The following EEF1AKMT1 variants were observed in gnomAD, a reference collection of about 807,000 sequenced individuals.
EEF1AKMT1 encodes the protein EEF1A lysine methyltransferase 1, also known as N-6 adenine-specific DNA methyltransferase 2 (putative).
EEF1AKMT1 carries 18 observed loss-of-function variants against 21.0 expected under a neutral mutation model. The observed-to-expected ratio is 0.86, with a 90% CI of 0.59 to 1.27. The LOEUF (loss-of-function observed/expected upper bound fraction) is 1.27, where lower values mean the gene tolerates loss of function less well. Among genes scored for constraint, EEF1AKMT1 ranks in the 50% most tolerant of loss-of-function variants. The pLI, the probability that EEF1AKMT1 is intolerant of heterozygous loss-of-function variation, is 0.00. For missense variants in EEF1AKMT1, 246 were observed against 258.6 expected, an observed-to-expected ratio of 0.95 and a Z score of 0.33; for synonymous variants, 109 against 94.8, an observed-to-expected ratio of 1.15 and a Z score of -0.87.
rs1595008231 is a variant in EEF1AKMT1 at position 20,729,336 on chromosome 13, G to A, written c.509-120C>T. On this transcript the variant is annotated intron_variant, in intron 4 of 4. Coordinates refer to ENST00000382758, the MANE Select transcript of EEF1AKMT1 (RefSeq NM_001318939.2). ...GTGGCAATTAGTTGACAATTCACAA[G>A]TGGGGGGAGGGAGCGAGTGTTCTTT... The A allele has an allele frequency of 2.8e-5, 31 of 1,119,384 alleles. 3 individuals carry two copies. In the South Asian group the frequency reaches 4.4e-4, roughly 16 times the overall value. The allele number at this position is 1,119,384 out of a possible 1,614,324, so 69.3% of individuals were successfully genotyped here. A position where few individuals can be genotyped will look rare whatever the true frequency, so the allele number is the denominator to read the frequency against.
chr13:20,772,906 T>C (rs2059069440), intron 1 of EEF1AKMT1, among the ~76,000 whole-genome samples: 1 of 152,136 alleles, frequency 6.6e-6, no homozygotes, highest in South Asian at 2.1e-4. Flanking sequence ...TAGGTTAAGA[T>C]AGTGTGATTC....
intron 2 of EEF1AKMT1, among the ~76,000 whole-genome samples, chr13:20,745,080 T>A (rs1273893665): frequency 2.0e-5 from 3 of 152,236 alleles, no homozygotes; most frequent in African/African-American, 7.2e-5. Flanking sequence ...CTGTTTTGGT[T>A]ACTAGCCTTG....
intron 1 of EEF1AKMT1, among the ~76,000 whole-genome samples, chr13:20,765,405 G>T (rs1215562180): frequency 8.5e-5 from 5 of 58,708 alleles, no homozygotes; most frequent in South Asian, 8.1e-4. Flanking sequence ...CTTCCCTTGG[G>T]TTTTTTTTTT....
Position 20,742,341 on chromosome 13 carries a change from T to TTG in EEF1AKMT1, c.145-4537_145-4536insCA, listed in dbSNP as rs145999634. 9.5e-3 allele frequency among the ~76,000 whole-genome samples: 1,444 copies of TTG among 151,422 alleles called. 26 individuals are homozygous for TTG. Among genetic ancestry groups the TTG allele is most frequent in the African/African-American group, 0.034 (1,391 of 41,434 alleles). On this transcript the variant is annotated intron_variant, in intron 2 of 4. Transcript: ENST00000382758. ...TTTATTATTGATTTGTAGAAGATCT[T>TTG]TATACAGTCTTTGAGAAAAAAAAAA...
intron 4 of EEF1AKMT1, among the ~76,000 whole-genome samples, chr13:20,731,226 G>C (rs1470578455): frequency 6.6e-6 from 1 of 152,178 alleles, no homozygotes; most frequent in Non-Finnish European, 1.5e-5. Context: ...TGCCCAGCCT[G>C]GTCTAGAACT....
At chr13:20,770,288 T>C (rs2059056199) in intron 1 of EEF1AKMT1, among the ~76,000 whole-genome samples, 1 of 152,020 alleles carries the variant, frequency 6.6e-6, no homozygotes, top group African/African-American at 2.4e-5. Flanking sequence ...AGAATTGTGG[T>C]TGCTAGGGGC....
chr13:20,749,727 A>G (rs2058930342), intron 2 of EEF1AKMT1, among the ~76,000 whole-genome samples: 1 of 152,172 alleles, frequency 6.6e-6, no homozygotes, highest in South Asian at 2.1e-4. Flanking sequence ...AGAAAAGAAA[A>G]GGAAAAATAA....
chr13:20,743,332 G>T (rs2058883087), intron 2 of EEF1AKMT1, among the ~76,000 whole-genome samples: 1 of 152,024 alleles, frequency 6.6e-6, no homozygotes, highest in Admixed American at 6.6e-5. Context: ...CTCCCAAAGT[G>T]CTGGGATTAT....
intron 2 of EEF1AKMT1, chr13:20,747,907 T>G (rs1041101389): frequency 5.5e-6 from 1 of 183,472 alleles, no homozygotes; most frequent in African/African-American, 2.4e-5. Flanking sequence ...TCTGTTGGTG[T>G]GCAACACAAG....
intron 2 of EEF1AKMT1, among the ~76,000 whole-genome samples, chr13:20,741,175 A>G (rs2058868539): frequency 6.6e-6 from 1 of 151,786 alleles, no homozygotes; most frequent in African/African-American, 2.4e-5. Context: ...AACTGGCCCA[A>G]AGATGCCAGC....
At chr13:20,729,305 C>A in intron 4 of EEF1AKMT1, 89 bp from the exon 5 acceptor site, 2 of 1,464,722 alleles carry the variant, frequency 1.4e-6, no homozygotes, top group Non-Finnish European at 1.9e-6. Context: ...TCTAGGCGGA[C>A]CACCGGTGGC....
chr13:20,733,199 G>A (rs934573579), intron 3 of EEF1AKMT1, among the ~76,000 whole-genome samples: 3 of 150,516 alleles, frequency 2.0e-5, no homozygotes, highest in East Asian at 2.0e-4. Context: ...GGGTTCAAGC[G>A]ATTCTCCTGC....
chr13:20,743,029 G>T (rs1328662221), intron 2 of EEF1AKMT1, among the ~76,000 whole-genome samples: 2 of 151,988 alleles, frequency 1.3e-5, no homozygotes, highest in African/African-American at 4.8e-5. Flanking sequence ...TTCTACCTTA[G>T]ATCATAAAAT....
At chr13:20,739,201 G>A (rs1371049978) in intron 2 of EEF1AKMT1, among the ~76,000 whole-genome samples, 4 of 152,106 alleles carry the variant, frequency 2.6e-5, no homozygotes, top group Non-Finnish European at 5.9e-5. Context: ...TGGTAACTTC[G>A]CTGGTTTCAG....
intron 4 of EEF1AKMT1, among the ~76,000 whole-genome samples, chr13:20,731,572 G>A (rs1030966109): frequency 6.6e-6 from 1 of 152,152 alleles, no homozygotes; most frequent in Admixed American, 6.5e-5. Flanking sequence ...TATTGATGAT[G>A]GTATGTAAAA....
At chr13:20,748,354 G>A (rs2058919699) in intron 2 of EEF1AKMT1, among the ~76,000 whole-genome samples, 1 of 151,256 alleles carries the variant, frequency 6.6e-6, no homozygotes, top group Non-Finnish European at 1.5e-5. Context: ...AGAATGGCGT[G>A]AACCCAGGAG....
At chr13:20,751,104 A>G (rs1207433452) in intron 2 of EEF1AKMT1, among the ~76,000 whole-genome samples, 5 of 152,174 alleles carry the variant, frequency 3.3e-5, no homozygotes, top group Admixed American at 3.3e-4. Flanking sequence ...TAGTTTTCAA[A>G]TATTTTACAC....
chr13:20,748,033 CT>C, intron 2 of EEF1AKMT1: 1 of 225,766 alleles, frequency 4.4e-6, no homozygotes. Flanking sequence ...TTGAACTGGA[CT>C]TGGGACTCTC....
intron 2 of EEF1AKMT1, among the ~76,000 whole-genome samples, chr13:20,738,706 A>T (rs909816574): frequency 6.6e-6 from 1 of 152,238 alleles, no homozygotes; most frequent in Non-Finnish European, 1.5e-5. Context: ...GAAACATTAC[A>T]CTGAACGAAA....
Sources: gnomAD v4.1 joint callset for allele counts (sites outside exome capture counted in the v4.1 genomes callset) on GRCh38, gnomAD v4.1.1 for gene constraint, MANE v1.5 for transcripts, NCBI Gene and HGNC (gene_info 2026-07-23, HGNC 2026-07-21) for gene names.